Variants in PCDHA1 observed in about 807,000 individuals in gnomAD.
PCDHA1 encodes the protein protocadherin alpha 1.
Under a neutral mutation model 61.3 loss-of-function variants are expected in PCDHA1, and 42 were observed. That is an observed-to-expected ratio of 0.69 (90% CI 0.54 to 0.89). PCDHA1 has a LOEUF of 0.89. PCDHA1 is among the 40% of genes least tolerant of loss of function. PCDHA1 has a pLI of 0.00. For synonymous variants in PCDHA1, 610 were observed against 553.8 expected, an observed-to-expected ratio of 1.10 and a Z score of -1.43; for missense variants, 1,256 against 1,235.3, an observed-to-expected ratio of 1.02 and a Z score of -0.25.
intron 1 of PCDHA1, chr5:140,876,238 C>G (rs782170059): frequency 2.5e-6 from 4 of 1,613,896 alleles, no homozygotes; most frequent in Non-Finnish European, 3.4e-6. Context: ...TGAAAATGTC[C>G]AAAACGACAC....
chr5:140,786,213 A>G lies in PCDHA1; in HGVS notation c.-78A>G. The G allele has an allele frequency of 6.7e-7, 1 of 1,493,936 alleles. No homozygotes were observed. Among genetic ancestry groups the G allele is most frequent in the Non-Finnish European group, 9.0e-7 (1 of 1,114,544 alleles). 92.5% of individuals were successfully genotyped at this position (1,493,936 alleles called of 1,614,324 possible). On this transcript the variant is annotated 5_prime_UTR_variant, in exon 1 of 4. In the 5' UTR this introduces an upstream ATG that the reference lacks. Transcript: ENST00000504120. The stretch of plus-strand genomic sequence containing the variant: ...GAGAAGACAGAAACGGTAAAGAGAT[A>G]AATGATTGGAAATATTAGATAAAAT...
chr5:140,869,972 A>T (rs782424515), intron 1 of PCDHA1: 14 of 1,613,080 alleles, frequency 8.7e-6, no homozygotes. Context: ...AATGGAAGAC[A>T]CTTATTTACA....
intron 1 of PCDHA1, among the ~76,000 whole-genome samples, chr5:140,827,222 G>A (rs1269861072): frequency 2.0e-5 from 3 of 152,150 alleles, no homozygotes; most frequent in Non-Finnish European, 4.4e-5. Context: ...TAAAGGAAAG[G>A]ATATGGGACA....
intron 1 of PCDHA1, among the ~76,000 whole-genome samples, chr5:140,953,756 G>C (rs2094932328): frequency 6.6e-6 from 1 of 152,208 alleles, no homozygotes; most frequent in South Asian, 2.1e-4. Context: ...ATTTATCCAA[G>C]AATTAAATTT....
intron 3 of PCDHA1, among the ~76,000 whole-genome samples, chr5:141,006,271 G>T (rs2098264486): frequency 6.6e-6 from 1 of 151,918 alleles, no homozygotes; most frequent in Non-Finnish European, 1.5e-5. Context: ...GACTGCAGTG[G>T]CACGATCTCA....
intron 1 of PCDHA1, chr5:140,797,124 G>A (rs781938311): frequency 6.2e-7 from 1 of 1,614,006 alleles, no homozygotes; most frequent in South Asian, 1.1e-5. Flanking sequence ...TGTACACTGC[G>A]CTGCGGTGCT....
chr5:140,819,959 T>C (rs971772781), intron 1 of PCDHA1, among the ~76,000 whole-genome samples: 3 of 152,026 alleles, frequency 2.0e-5, no homozygotes, highest in Non-Finnish European at 4.4e-5. Flanking sequence ...TAATATTTAC[T>C]TTTTTCAAAG....
chr5:140,821,611 G>A, intron 1 of PCDHA1: 1 of 799,408 alleles, frequency 1.3e-6, no homozygotes, highest in South Asian at 2.1e-5. Flanking sequence ...AATACAGTGA[G>A]TAGATTTTCC....
chr5:140,937,160 C>T lies in PCDHA1; in HGVS notation c.2395-41789C>T, dbSNP rs767846084. Among the ~76,000 whole-genome samples the T allele has an allele frequency of 1.0e-3, 155 of 151,762 alleles. 1 individual carries two copies. Among genetic ancestry groups the T allele is most frequent in the Admixed American group, 4.7e-3 (71 of 15,248 alleles). ...TCATGCCATTCTCCTGCCTCAGCCT[C>T]CCGAGTAGCTGGGACTACAGGCGCC... On this transcript the variant is annotated intron_variant, in intron 1 of 3. Coordinates refer to ENST00000504120, the MANE Select transcript of PCDHA1 (RefSeq NM_018900.4).
intron 3 of PCDHA1, among the ~76,000 whole-genome samples, chr5:140,984,867 TA>T (rs1251384308): frequency 6.6e-6 from 1 of 152,180 alleles, no homozygotes; most frequent in Non-Finnish European, 1.5e-5. Context: ...ACACCTATTT[TA>T]TTGAGTTACC....
chr5:140,821,171 C>A (rs1442179324), intron 1 of PCDHA1, among the ~76,000 whole-genome samples: 1 of 152,078 alleles, frequency 6.6e-6, no homozygotes, highest in Admixed American at 6.5e-5. Context: ...TACAAACATT[C>A]CATTGACTAA....
chr5:140,907,563 A>G (rs1554193054), intron 1 of PCDHA1, among the ~76,000 whole-genome samples: 1 of 152,160 alleles, frequency 6.6e-6, no homozygotes, highest in Admixed American at 6.5e-5. Context: ...AATATAATCA[A>G]CTTGCCACCA....
chr5:140,936,037 C>A (rs2090734622), intron 1 of PCDHA1, among the ~76,000 whole-genome samples: 2 of 151,862 alleles, frequency 1.3e-5, no homozygotes, highest in Non-Finnish European at 1.5e-5. Flanking sequence ...GGATTACAGG[C>A]ACCCACCACC....
In PCDHA1 at chr5:140,828,686, T is replaced by C. The variant is rs184176193; in HGVS notation, c.2394+40002T>C. 17 of 1,614,164 alleles carry C rather than the reference T, an allele frequency of 1.1e-5. No homozygotes were observed. Among genetic ancestry groups the C allele is most frequent in the Admixed American group, 3.3e-5 (2 of 60,022 alleles). On this transcript the variant is annotated intron_variant, in intron 1 of 3. Transcript: ENST00000504120. ...ACAAATTGGGCTCTTATTAAAGAAA[T>C]CCTTGGACAGAGAGGAAGCTCCTGC...
At chr5:140,871,804 T>C (rs538101432) in intron 1 of PCDHA1, among the ~76,000 whole-genome samples, 75 of 152,364 alleles carry the variant, frequency 4.9e-4, no homozygotes, top group Non-Finnish European at 7.9e-4. Flanking sequence ...ATTACTATTT[T>C]CACTAAAGTA....
intron 1 of PCDHA1, among the ~76,000 whole-genome samples, chr5:140,977,949 G>A (rs919613337): frequency 2.6e-5 from 4 of 152,036 alleles, no homozygotes; most frequent in Admixed American, 6.6e-5. Context: ...TTCAGTGACA[G>A]GGCCACCTCA....
At chr5:140,821,741 T>A in intron 1 of PCDHA1, 3 of 1,554,034 alleles carry the variant, frequency 1.9e-6, no homozygotes, top group Non-Finnish European at 2.6e-6. Context: ...TGTGTGGTGA[T>A]GCAATAGAAA....
chr5:140,917,154 T>C (rs1415714785), intron 1 of PCDHA1, among the ~76,000 whole-genome samples: 2 of 152,112 alleles, frequency 1.3e-5, no homozygotes, highest in East Asian at 1.9e-4. Flanking sequence ...TGCTGGGGGA[T>C]ATGGGAGGGG....
intron 1 of PCDHA1, chr5:140,871,176 G>T: frequency 6.2e-7 from 1 of 1,613,534 alleles, no homozygotes; most frequent in African/African-American, 1.3e-5. Context: ...CAGAGGCTGC[G>T]CTGGTGGATG....
Sources: allele counts gnomAD v4.1 joint callset (sites outside exome capture counted in the v4.1 genomes callset), GRCh38; gene constraint gnomAD v4.1.1; transcripts MANE v1.5; gene names NCBI Gene and HGNC (gene_info 2026-07-23, HGNC 2026-07-21).